STOX2: variants seen among roughly 807,000 people sequenced by gnomAD.
STOX2 encodes storkhead-box protein 2.
Under a neutral mutation model 60.9 loss-of-function variants are expected in STOX2, and 28 were observed. That is an observed-to-expected ratio of 0.46 (90% CI 0.34 to 0.63). The LOEUF is 0.63. Among genes scored for constraint, STOX2 ranks in the 30% least tolerant of loss-of-function variants. The pLI, the probability that STOX2 is intolerant of heterozygous loss-of-function variation, is 0.01. For missense variants in STOX2, 1,024 were observed against 1,187.7 expected (o/e 0.86, Z 2.03); for synonymous variants, 472 against 463.9 (o/e 1.02, Z -0.22).
chr4:183,879,744 C>T (rs780568353), intron 1 of STOX2, among the ~76,000 whole-genome samples: 3 of 151,946 alleles, frequency 2.0e-5, no homozygotes, highest in Admixed American at 1.3e-4. Context: ...TTAGTGGGAA[C>T]CTGTTGGGTC....
intron 1 of STOX2, among the ~76,000 whole-genome samples, chr4:183,975,792 G>A (rs1732424512): frequency 6.6e-6 from 1 of 152,172 alleles, no homozygotes; most frequent in South Asian, 2.1e-4. Flanking sequence ...AAAAACAAAA[G>A]AGGAGGCAAC....
intron 1 of STOX2, among the ~76,000 whole-genome samples, chr4:183,895,661 G>T (rs1267357633): frequency 3.9e-5 from 6 of 152,122 alleles, no homozygotes; most frequent in Non-Finnish European, 7.4e-5. Context: ...TTTTGTTTTT[G>T]TTGCTATTTT....
chr4:183,863,508 A>T (rs1740497315), intron 1 of STOX2, among the ~76,000 whole-genome samples: 1 of 152,256 alleles, frequency 6.6e-6, no homozygotes, highest in Admixed American at 6.5e-5. Flanking sequence ...CTCTGGATGA[A>T]TGGAGATTCA....
At chr4:183,858,808 T>C (rs1740362853) in intron 1 of STOX2, among the ~76,000 whole-genome samples, 1 of 152,256 alleles carries the variant, frequency 6.6e-6, no homozygotes, top group Non-Finnish European at 1.5e-5. Context: ...TTCTTTATAC[T>C]TAGCTTCTAT....
intron 1 of STOX2, among the ~76,000 whole-genome samples, chr4:183,976,242 G>T (rs1211293966): frequency 6.6e-6 from 1 of 152,200 alleles, no homozygotes; most frequent in African/African-American, 2.4e-5. Context: ...AACCCAGGAG[G>T]TGGAGGTTGC....
upstream of STOX2, among the ~76,000 whole-genome samples, chr4:183,903,352 T>G (rs1308109353): frequency 6.6e-6 from 1 of 152,130 alleles, no homozygotes; most frequent in Non-Finnish European, 1.5e-5. Context: ...GTTCCCCCTT[T>G]CTGTAACACC....
intron 1 of STOX2, among the ~76,000 whole-genome samples, chr4:183,870,199 G>A (rs1030859667): frequency 1.3e-5 from 2 of 152,132 alleles, no homozygotes; most frequent in Non-Finnish European, 2.9e-5. Flanking sequence ...TAAAATACCA[G>A]AGCCATAGTA....
chr4:183,918,870 C>G (rs994023904), intron 1 of STOX2, among the ~76,000 whole-genome samples: 1 of 152,186 alleles, frequency 6.6e-6, no homozygotes, highest in African/African-American at 2.4e-5. Context: ...GGTTTTCCCT[C>G]CTGCACACAC....
rs779554843 is a variant in STOX2, at chr4:184,009,498, G to A, written c.660G>A (p.Lys220=). 4 of 1,614,032 alleles carry A rather than the reference G, an allele frequency of 2.5e-6. No homozygotes were observed. The highest frequency in any genetic ancestry group is 3.4e-6 in the Non-Finnish European group (4 of 1,179,896). ...CCACCCTGCAAAGGAAGTCTGCCAA[G>A]GACTGCAAAGACCCTTACTGTCCCC... ...HAPTLQRKSA[K]DCKDPYCPPS... is the part of the protein sequence containing the mutation. The change falls in exon 3 of 4, where the codon AAG becomes AAA. Residue 220 remains lysine (K), a synonymous_variant. Transcript: ENST00000308497. This position sits in a 1 kb window ranked among gnomAD's most constrained non-coding sequence, Gnocchi z 4.0.
At chr4:183,927,126 T>G (rs1423426264) in intron 1 of STOX2, among the ~76,000 whole-genome samples, 1 of 152,240 alleles carries the variant, frequency 6.6e-6, no homozygotes, top group Non-Finnish European at 1.5e-5. Context: ...TATTGATTCT[T>G]TGCACACATG....
At chr4:183,897,479 G>A (rs1417265213) in intron 1 of STOX2, among the ~76,000 whole-genome samples, 2 of 152,192 alleles carry the variant, frequency 1.3e-5, no homozygotes, top group African/African-American at 4.8e-5. Flanking sequence ...TTCAGTATGA[G>A]ATAGCTTTAA....
chr4:183,951,661 C>G (rs1216209093), intron 1 of STOX2, among the ~76,000 whole-genome samples: 2 of 149,200 alleles, frequency 1.3e-5, no homozygotes, highest in Admixed American at 6.7e-5. Flanking sequence ...GGTGAGTGGT[C>G]GGGTGCGGTG....
At chr4:184,004,587 G>C (rs7670377) in intron 2 of STOX2, among the ~76,000 whole-genome samples, 1 of 150,638 alleles carries the variant, frequency 6.6e-6, no homozygotes, top group African/African-American at 2.4e-5. Flanking sequence ...GCGACAGAGC[G>C]AGACTCCGTT....
At chr4:183,989,081 A>C (rs1349902667) in intron 1 of STOX2, among the ~76,000 whole-genome samples, 1 of 151,978 alleles carries the variant, frequency 6.6e-6, no homozygotes, top group Non-Finnish European at 1.5e-5. Context: ...AAATAATCAG[A>C]CTGCCCCAGA....
intron 1 of STOX2, among the ~76,000 whole-genome samples, chr4:183,953,711 G>A (rs9990478): frequency 0.38 from 58,009 of 151,558 alleles, 12,023 homozygotes; most frequent in African/African-American, 0.55. Context: ...GATTACAGGC[G>A]TGCACCACCA....
At chr4:183,949,904 A>G (rs189950098) in intron 1 of STOX2, among the ~76,000 whole-genome samples, 98 of 152,166 alleles carry the variant, frequency 6.4e-4, no homozygotes, top group African/African-American at 2.2e-3. Context: ...CGGCATTTGT[A>G]TCCCTCCTCT....
chr4:183,849,555 G>A (rs1350334632), intron 1 of STOX2, among the ~76,000 whole-genome samples: 1 of 152,234 alleles, frequency 6.6e-6, no homozygotes, highest in Non-Finnish European at 1.5e-5. Context: ...TATCTAAAAT[G>A]TGGAATACAG....
At chr4:183,966,124 T>C (rs1167435953) in intron 1 of STOX2, among the ~76,000 whole-genome samples, 1 of 150,022 alleles carries the variant, frequency 6.7e-6, no homozygotes, top group Non-Finnish European at 1.5e-5. Flanking sequence ...TCAGAGAGAG[T>C]TTTGGGACCA....
In STOX2 at chr4:184,011,781, T is replaced by G. The variant is rs2111253128; in HGVS notation, c.2585+358T>G. 6.5e-6 allele frequency: 3 copies of G among 460,828 alleles called. No individual in the cohort carries two copies. The highest frequency in any genetic ancestry group is 7.1e-5 in the East Asian group (1 of 14,126). 28.5% of individuals were successfully genotyped at this position (460,828 alleles called of 1,614,324 possible). Reference sequence around the variant, plus strand: ...CCTTCAAAAATAGTAACTTTTTGAGTAGAATAAATAGTCTGGGGGCGGGGG... The same window carrying G: ...CCTTCAAAAATAGTAACTTTTTGAGGAGAATAAATAGTCTGGGGGCGGGGG... On this transcript the variant is annotated intron_variant, in intron 3 of 3. Coordinates refer to ENST00000308497, the MANE Select transcript of STOX2 (RefSeq NM_020225.3). The surrounding 1 kb of genome is among the most constrained non-coding windows in gnomAD (Gnocchi z 4.4).
Sources: gnomAD v4.1 joint callset for allele counts (sites outside exome capture counted in the v4.1 genomes callset) on GRCh38, gnomAD v4.1.1 for gene constraint, Gnocchi (gnomAD v3.1) non-coding constraint, MANE v1.5 for transcripts, NCBI Gene and HGNC (gene_info 2026-07-23, HGNC 2026-07-21) for gene names.